The following FLT3 variants were observed in gnomAD, a reference collection of about 807,000 sequenced individuals.
FLT3 encodes the protein receptor-type tyrosine-protein kinase FLT3.
A neutral mutation model predicts 126.6 loss-of-function variants in FLT3; 46 were observed. The ratio of observed to expected loss-of-function variants is 0.36; its 90% CI spans 0.29 to 0.46. The LOEUF (loss-of-function observed/expected upper bound fraction) is 0.46, where lower values mean the gene tolerates loss of function less well. FLT3 is among the 20% of genes least tolerant of loss of function. FLT3 has a pLI of 1.00. For synonymous variants in FLT3, 404 were observed against 434.4 expected (o/e 0.93, Z 0.87); for missense variants, 1,069 against 1,190.3 (o/e 0.90, Z 1.50).
intron 19 of FLT3, among the ~76,000 whole-genome samples, chr13:28,019,544 C>T (rs1183664576): frequency 6.6e-6 from 1 of 152,168 alleles, no homozygotes; most frequent in Admixed American, 6.5e-5. Flanking sequence ...GCACCATGAA[C>T]ACTGGCAGCC....
At chr13:28,009,613 A>G (rs1462681323) in intron 23 of FLT3, 1 of 152,228 alleles carries the variant, frequency 6.6e-6, no homozygotes, top group East Asian at 1.9e-4. Context: ...GTTAGAGTAC[A>G]GTGGCATGAT....
Position 28,036,055 on chromosome 13 carries a change from A to G in FLT3, c.1310-12T>C, listed in dbSNP as rs1404082767. 6.2e-7 allele frequency: 1 copy of G among 1,609,052 alleles called. No individual in the cohort carries two copies. The highest frequency in any genetic ancestry group is 2.2e-5 in the East Asian group (1 of 44,880). ...CACTTGAGGTTTCCCTATAGAAAAG[A>G]ACGTGTGAAATAAGCTCACTGGCTG... On this transcript the variant is annotated splice_polypyrimidine_tract_variant and intron_variant, in intron 10 of 23. Coordinates refer to ENST00000241453, the MANE Select transcript of FLT3 (RefSeq NM_004119.3).
chr13:28,054,206 G>GA (rs1875801494), intron 4 of FLT3, among the ~76,000 whole-genome samples: 1 of 152,102 alleles, frequency 6.6e-6, no homozygotes, highest in Non-Finnish European at 1.5e-5. Context: ...TACACAGCAG[G>GA]ATATGAGAGC....
At chr13:28,080,784 T>C (rs552801473) in intron 1 of FLT3, among the ~76,000 whole-genome samples, 2 of 152,324 alleles carry the variant, frequency 1.3e-5, no homozygotes, top group South Asian at 2.1e-4. Context: ...ATTTTATATT[T>C]AGGTCTATGA....
Position 28,034,026 on chromosome 13 carries a change from A to C in FLT3, c.1838-35T>G, listed in dbSNP as rs760834055. Reference sequence around the variant, plus strand: ...CAAATGGTGAGTACGTGCATTTTAAAGATTTTCCAATGGAAAAGAAATGCT... The same window carrying C: ...CAAATGGTGAGTACGTGCATTTTAACGATTTTCCAATGGAAAAGAAATGCT... On this transcript the variant is annotated intron_variant, in intron 14 of 23. Coordinates refer to ENST00000241453, the MANE Select transcript of FLT3 (RefSeq NM_004119.3). The C allele has an allele frequency of 1.9e-6, 3 of 1,613,276 alleles. No homozygotes were observed. In the South Asian group the frequency reaches 3.3e-5, roughly 18 times the overall value.
rs1316066931 is a variant in FLT3 at position 28,050,096 on chromosome 13, T to C, written c.741A>G (p.Ile247Met). Residue 247 changes from isoleucine (I) to methionine (M), a missense_variant and splice_region_variant, in exon 6 of 24, where the codon ATA becomes ATG. Transcript: ENST00000241453. ...LGRECTRLFTIDLNQTPQTTL... is the reference protein window; with the variant it reads ...LGRECTRLFTMDLNQTPQTTL... Reference sequence around the variant, plus strand: ...AAGTGCATGATATTATAGTGTTACCTATTGTGAACAGCCTGGTGCATTCCC... The same window carrying C: ...AAGTGCATGATATTATAGTGTTACCCATTGTGAACAGCCTGGTGCATTCCC... 6.2e-7 allele frequency: 1 copy of C among 1,614,054 alleles called. No homozygotes were observed. Among genetic ancestry groups the C allele is most frequent in the Non-Finnish European group, 8.5e-7 (1 of 1,179,958 alleles).
At chr13:28,025,641 A>C (rs548158846) in intron 17 of FLT3, among the ~76,000 whole-genome samples, 1 of 152,356 alleles carries the variant, frequency 6.6e-6, no homozygotes, top group South Asian at 2.1e-4. Flanking sequence ...TCCAGTGAAC[A>C]GAACGAATCA....
intron 1 of FLT3, among the ~76,000 whole-genome samples, chr13:28,073,128 G>A (rs1008428636): frequency 1.3e-5 from 2 of 152,020 alleles, no homozygotes; most frequent in African/African-American, 4.8e-5. Flanking sequence ...ATTGCTTGAG[G>A]CCAGGAGTTT....
chr13:28,092,889 C>A (rs1283361326), intron 1 of FLT3, among the ~76,000 whole-genome samples: 2 of 148,828 alleles, frequency 1.3e-5, no homozygotes, highest in African/African-American at 2.5e-5. Flanking sequence ...GATATAACAA[C>A]CCCCCTGAAA....
chr13:28,046,678 C>T (rs1310683814), intron 9 of FLT3, among the ~76,000 whole-genome samples: 1 of 152,048 alleles, frequency 6.6e-6, no homozygotes, highest in African/African-American at 2.4e-5. Flanking sequence ...CTACTGCAGC[C>T]TCGACCACCT....
At chr13:28,039,953 C>A (rs1468865956) in intron 9 of FLT3, among the ~76,000 whole-genome samples, 1 of 152,104 alleles carries the variant, frequency 6.6e-6, no homozygotes, top group African/African-American at 2.4e-5. Context: ...CTCGGCCTCC[C>A]AAAGTGCTGG....
intron 9 of FLT3, among the ~76,000 whole-genome samples, chr13:28,044,321 A>G (rs763137332): frequency 2.7e-4 from 41 of 151,754 alleles, no homozygotes; most frequent in South Asian, 1.7e-3. Flanking sequence ...AGGGTGGCAC[A>G]TGCCTGTAAT....
intron 22 of FLT3, 30 bp downstream of exon 22, chr13:28,015,127 C>T (rs776003598): frequency 1.4e-6 from 2 of 1,388,930 alleles, no homozygotes; most frequent in South Asian, 1.2e-5. Context: ...TTTCTGATTT[C>T]AACCAAATTA....
In FLT3 at chr13:28,003,972, T is replaced by C. The variant is rs565097501; in HGVS notation, c.*80A>G. 3.1e-4 allele frequency: 464 copies of C among 1,516,284 alleles called. 3 individuals are homozygous for C. The highest frequency in any genetic ancestry group is 4.0e-4 in the Non-Finnish European group (434 of 1,097,652). 93.9% of individuals were successfully genotyped at this position (1,516,284 alleles called of 1,614,324 possible). A position where few individuals can be genotyped will look rare whatever the true frequency, so the allele number is the denominator to read the frequency against. On this transcript the variant is annotated 3_prime_UTR_variant, in exon 24 of 24. Coordinates refer to ENST00000241453, the MANE Select transcript of FLT3 (RefSeq NM_004119.3). ...TTGATAATAGATTTTCTTTTAGTGATGAAATTAATCTTGTTTTGGTAATCT... is the reference window on the plus strand; with the variant it reads ...TTGATAATAGATTTTCTTTTAGTGACGAAATTAATCTTGTTTTGGTAATCT...
chr13:28,036,842 T>C (rs1158436983), intron 10 of FLT3, among the ~76,000 whole-genome samples: 1 of 152,140 alleles, frequency 6.6e-6, no homozygotes, highest in African/African-American at 2.4e-5. Context: ...TAGCTGAGCA[T>C]GGTGGCGCGT....
At chr13:28,058,887 A>C (rs1279347950) in intron 3 of FLT3, among the ~76,000 whole-genome samples, 1 of 152,232 alleles carries the variant, frequency 6.6e-6, no homozygotes, top group East Asian at 1.9e-4. Context: ...CCACGTCTGC[A>C]GTCGCAGAAG....
chr13:28,054,383 G>A (rs1875818412), intron 4 of FLT3, among the ~76,000 whole-genome samples: 1 of 150,818 alleles, frequency 6.6e-6, no homozygotes, highest in Admixed American at 6.6e-5. Flanking sequence ...AACAGCTTGA[G>A]TTCCTAGGTA....
At chr13:28,052,707 T>C (rs1566085303) in intron 4 of FLT3, 33 bp from the exon 5 acceptor site, 3 of 1,469,770 alleles carry the variant, frequency 2.0e-6, no homozygotes, top group Non-Finnish European at 2.8e-6. Flanking sequence ...CATTTTACTA[T>C]TTTAAAAATA....
In FLT3 at chr13:28,033,816, G is replaced by A. The variant is rs1873573358; in HGVS notation, c.1942+71C>T. The A allele has an allele frequency of 1.8e-6, 2 of 1,115,406 alleles. 1 individual carries two copies. The highest frequency in any genetic ancestry group is 3.9e-4 in the Middle Eastern group (2 of 5,082). 69.1% of individuals were successfully genotyped at this position (1,115,406 alleles called of 1,614,324 possible). Reference sequence around the variant, plus strand: ...ACCATTAAAAGGATGGAAAAGAGAAGAAGGCATGGGTGGGAAACTGTGCCT... The same window carrying A: ...ACCATTAAAAGGATGGAAAAGAGAAAAAGGCATGGGTGGGAAACTGTGCCT... On this transcript the variant is annotated intron_variant, in intron 15 of 23. Transcript: ENST00000241453.
Sources: allele counts gnomAD v4.1 joint callset (sites outside exome capture counted in the v4.1 genomes callset), GRCh38; gene constraint gnomAD v4.1.1; transcripts MANE v1.5; gene names NCBI Gene and HGNC (gene_info 2026-07-23, HGNC 2026-07-21).